The following SEMA6D variants were observed in gnomAD, a reference collection of about 807,000 sequenced individuals.
SEMA6D encodes the protein semaphorin-6D.
A neutral mutation model predicts 106.6 loss-of-function variants in SEMA6D; 35 were observed. The observed-to-expected ratio is 0.33, with a 90% CI of 0.25 to 0.44. SEMA6D has a LOEUF of 0.44. SEMA6D is among the 20% of genes least tolerant of loss of function. SEMA6D has a pLI of 1.00. For missense variants in SEMA6D, 1,185 were observed against 1,345.9 expected, an observed-to-expected ratio of 0.88 and a Z score of 1.87; for synonymous variants, 499 against 487.7, an observed-to-expected ratio of 1.02 and a Z score of -0.31.
intron 3 of SEMA6D, among the ~76,000 whole-genome samples, chr15:47,489,826 A>G (rs1199559928): frequency 6.6e-6 from 1 of 151,716 alleles, no homozygotes; most frequent in East Asian, 1.9e-4. Flanking sequence ...TGATTTTTGT[A>G]TTTTTAGTAG....
intron 3 of SEMA6D, among the ~76,000 whole-genome samples, chr15:47,579,664 A>G (rs991902251): frequency 3.3e-5 from 5 of 152,344 alleles, no homozygotes; most frequent in African/African-American, 9.6e-5. Context: ...ACTACAGTAC[A>G]TAGTAATTAC....
intron 1 of SEMA6D, among the ~76,000 whole-genome samples, chr15:47,299,506 AAAC>A (rs2142982562): frequency 6.6e-6 from 1 of 152,330 alleles, no homozygotes; most frequent in South Asian, 2.1e-4. Flanking sequence ...CTCGGCCAAT[AAAC>A]AACAGTTGTT....
At chr15:47,739,508 A>G (rs2080664924) in intron 1 of SEMA6D, among the ~76,000 whole-genome samples, 2 of 152,198 alleles carry the variant, frequency 1.3e-5, no homozygotes, top group African/African-American at 4.8e-5. Flanking sequence ...TCCTGTTAAG[A>G]TAGGTTTTAG....
chr15:47,627,893 C>T (rs1259430540), intron 4 of SEMA6D, among the ~76,000 whole-genome samples: 1 of 152,004 alleles, frequency 6.6e-6, no homozygotes, highest in Non-Finnish European at 1.5e-5. Flanking sequence ...CACTCACCTG[C>T]TATTTTTGTC....
chr15:47,459,502 A>G (rs1358676142), intron 2 of SEMA6D, among the ~76,000 whole-genome samples: 1 of 152,072 alleles, frequency 6.6e-6, no homozygotes, highest in East Asian at 1.9e-4. Context: ...AGGAGAATCA[A>G]GAAAAACCTA....
intron 1 of SEMA6D, among the ~76,000 whole-genome samples, chr15:47,258,406 C>T (rs1450493391): frequency 6.6e-6 from 1 of 152,178 alleles, no homozygotes; most frequent in Non-Finnish European, 1.5e-5. Context: ...GCATTTGAAT[C>T]AGCAGACTGA....
At chr15:47,513,692 TGAC>T (rs1265262391) in intron 3 of SEMA6D, among the ~76,000 whole-genome samples, 1 of 152,210 alleles carries the variant, frequency 6.6e-6, no homozygotes, top group Non-Finnish European at 1.5e-5. Context: ...CAATAGATGA[TGAC>T]GATAATGTGC....
At chr15:47,565,173 G>A (rs2046193248) in intron 3 of SEMA6D, among the ~76,000 whole-genome samples, 1 of 152,210 alleles carries the variant, frequency 6.6e-6, no homozygotes, top group Admixed American at 6.5e-5. Flanking sequence ...AGCTAAAAGA[G>A]CACCGTAACA....
chr15:47,768,293 T>C (rs2082451360), intron 17 of SEMA6D, among the ~76,000 whole-genome samples: 1 of 152,208 alleles, frequency 6.6e-6, no homozygotes, highest in African/African-American at 2.4e-5. Context: ...CTGGGAATTA[T>C]ATTACCTTTT....
chr15:47,753,001 A>G (rs1336308022), intron 1 of SEMA6D, among the ~76,000 whole-genome samples: 1 of 143,996 alleles, frequency 6.9e-6, no homozygotes, highest in Non-Finnish European at 1.6e-5. Flanking sequence ...AGAGCAAGAC[A>G]CTGTCAAAAA....
chr15:47,681,485 T>A (rs932524501), intron 4 of SEMA6D, among the ~76,000 whole-genome samples: 1 of 151,878 alleles, frequency 6.6e-6, no homozygotes, highest in African/African-American at 2.4e-5. Flanking sequence ...GAGTAAAGAG[T>A]CTCAGTGATG....
chr15:47,766,695 A>G lies in SEMA6D; in HGVS notation c.1708+18A>G, dbSNP rs372131115. ...CTGCCATGGTAAGACAGAATCTTCC[A>G]TTCCCACCTGGAGCTTCTTTTTGAC... On this transcript the variant is annotated intron_variant, in intron 16 of 18. Transcript: ENST00000536845. 6.7e-5 allele frequency: 103 copies of G among 1,529,304 alleles called. No individual in the cohort carries two copies. The African/African-American group carries it at 1.3e-3, about 19-fold the overall frequency. 94.7% of individuals were successfully genotyped at this position (1,529,304 alleles called of 1,614,324 possible). A position where few individuals can be genotyped will look rare whatever the true frequency, so the allele number is the denominator to read the frequency against.
intron 3 of SEMA6D, among the ~76,000 whole-genome samples, chr15:47,538,530 T>C (rs2045249765): frequency 6.6e-6 from 1 of 152,170 alleles, no homozygotes; most frequent in African/African-American, 2.4e-5. Flanking sequence ...AGCCAGCATC[T>C]TAGCAAAGAT....
chr15:47,693,465 T>C (rs1487234932), intron 4 of SEMA6D, among the ~76,000 whole-genome samples: 1 of 152,122 alleles, frequency 6.6e-6, no homozygotes, highest in African/African-American at 2.4e-5. Context: ...ATTAGATGGC[T>C]AAATATATGA....
intron 3 of SEMA6D, among the ~76,000 whole-genome samples, chr15:47,481,477 G>A (rs554416744): frequency 1.2e-4 from 19 of 152,248 alleles, no homozygotes; most frequent in African/African-American, 4.6e-4. Flanking sequence ...TGTGCAGTGG[G>A]ATATTTCTCA....
At chr15:47,365,923 GAA>G (rs2039009231) in intron 1 of SEMA6D, among the ~76,000 whole-genome samples, 2 of 128,292 alleles carry the variant, frequency 1.6e-5, no homozygotes, top group South Asian at 2.6e-4. Flanking sequence ...GAGAGAGAGA[GAA>G]AAGAAAGAAA....
At position 47,560,323 on chromosome 15, in the gene SEMA6D, A is replaced by G. The variant is rs146276956; in HGVS notation, c.-86-40542A>G. 2.1e-3 allele frequency among the ~76,000 whole-genome samples: 322 copies of G among 152,198 alleles called. 1 individual carries two copies. Among genetic ancestry groups the G allele is most frequent in the African/African-American group, 7.6e-3 (316 of 41,538 alleles). ...TCTGTTTAAAGAACAAAAAGAAAGC[A>G]TAATAACAATGACTCAACAAATAGA... On this transcript the variant is annotated intron_variant, in intron 3 of 19. Transcript: ENST00000558014.
At chr15:47,743,523 G>A (rs1359849936) in intron 1 of SEMA6D, among the ~76,000 whole-genome samples, 1 of 152,188 alleles carries the variant, frequency 6.6e-6, no homozygotes, top group Non-Finnish European at 1.5e-5. Context: ...GAAACCTACA[G>A]TGCGGGGGAG....
chr15:47,559,808 T>C (rs1173414884), intron 3 of SEMA6D, among the ~76,000 whole-genome samples: 2 of 152,068 alleles, frequency 1.3e-5, no homozygotes, highest in Non-Finnish European at 2.9e-5. Context: ...AAGCAAAAGA[T>C]AGGACAAATG....
Sources: gnomAD v4.1 joint callset for allele counts (sites outside exome capture counted in the v4.1 genomes callset) on GRCh38, gnomAD v4.1.1 for gene constraint, MANE v1.5 for transcripts, NCBI Gene and HGNC (gene_info 2026-07-23, HGNC 2026-07-21) for gene names.